The following SYNC variants were observed in gnomAD, a reference collection of about 807,000 sequenced individuals.
The protein encoded by SYNC is syncoilin, intermediate filament protein, also known as syncoilin.
A neutral mutation model predicts 49.5 loss-of-function variants in SYNC; 38 were observed. The observed-to-expected ratio is 0.77, with a 90% CI of 0.59 to 1.01. The LOEUF is 1.01. Ranked by LOEUF, SYNC falls within the 50% of genes least tolerant of loss-of-function variation. SYNC has a pLI of 0.00. For missense variants in SYNC, 579 were observed against 580.6 expected (o/e 1.00, Z 0.03); for synonymous variants, 201 against 230.8 (o/e 0.87, Z 1.17).
At chr1:32,683,857 T>C (rs1649616977) in intron 4 of SYNC, 153 bp downstream of exon 4, 1 of 683,832 alleles carries the variant, frequency 1.5e-6, no homozygotes, top group Non-Finnish European at 2.5e-6. Flanking sequence ...GGTCTTGAAC[T>C]CCTGACTCCA....
chr1:32,687,545 C>G (rs1649914574), intron 2 of SYNC, among the ~76,000 whole-genome samples: 4 of 151,446 alleles, frequency 2.6e-5, no homozygotes, highest in African/African-American at 9.7e-5. Flanking sequence ...GTGGCACACG[C>G]CTGTAGTCCC....
chr1:32,695,160 C>T lies in SYNC; in HGVS notation c.938G>A (p.Arg313Lys). Residue 313 changes from arginine to lysine, a missense_variant, in exon 2 of 5, where the codon AGG (arginine) becomes AAG (lysine). By Grantham distance (26) the Arg-to-Lys change is conservative. Coordinates refer to ENST00000409190, the MANE Select transcript of SYNC (RefSeq NM_030786.3). ...GCTTTCCTGGAGAAAGTGCCCATCCCTCTGGCTTGGAGGGGCTTCTAGTTG... is the reference window on the plus strand; with the variant it reads ...GCTTTCCTGGAGAAAGTGCCCATCCTTCTGGCTTGGAGGGGCTTCTAGTTG... The part of the protein sequence containing the change: ...RQQLEAPPSQ[R>K]DGHFLQESRR... The T allele has an allele frequency of 6.3e-7, 1 of 1,594,542 alleles. No individual in the cohort carries two copies. The highest frequency in any genetic ancestry group is 8.5e-7 in the Non-Finnish European group (1 of 1,170,378).
chr1:32,702,505 C>G lies in SYNC; in HGVS notation c.53+103G>C, dbSNP rs1650705332. ...GTGCCCCACCCCGGCTGGACCACTACCCCTAGACAGGCGAAAGACGCCCGC... is the reference window on the plus strand; with the variant it reads ...GTGCCCCACCCCGGCTGGACCACTAGCCCTAGACAGGCGAAAGACGCCCGC... On this transcript the variant is annotated intron_variant, in intron 1 of 4. Coordinates refer to ENST00000409190, the MANE Select transcript of SYNC (RefSeq NM_030786.3). This position sits in a 1 kb window ranked among gnomAD's most constrained non-coding sequence, Gnocchi z 6.2. The G allele has an allele frequency of 9.0e-7, 1 of 1,110,744 alleles. No homozygotes were observed. The highest frequency in any genetic ancestry group is 3.7e-5 in the East Asian group (1 of 26,964). The allele number at this position is 1,110,744 out of a possible 1,614,324, so 68.8% of individuals were successfully genotyped here. A position where few individuals can be genotyped will look rare whatever the true frequency, so the allele number is the denominator to read the frequency against.
intron 2 of SYNC, chr1:32,684,698 TA>T: frequency 3.8e-6 from 1 of 259,890 alleles, no homozygotes; most frequent in East Asian, 8.6e-5. Flanking sequence ...TTGGTCTAGT[TA>T]GTGGGCTGAG....
chr1:32,698,388 G>A lies in SYNC; in HGVS notation c.54-2344C>T, dbSNP rs188043465. 3.3e-3 allele frequency among the ~76,000 whole-genome samples: 497 copies of A among 151,836 alleles called. 3 individuals carry two copies. The highest frequency in any genetic ancestry group is 0.011 in the African/African-American group (461 of 41,382). ...AAAAAAATTAGCCAGGCGTGGTGGC[G>A]GGCACCTGTAGTCCCAGCTACTCGG... is the stretch of plus-strand genomic sequence containing the variant. On this transcript the variant is annotated intron_variant, in intron 1 of 4. Coordinates refer to ENST00000409190, the MANE Select transcript of SYNC (RefSeq NM_030786.3).
At chr1:32,687,361 CAAAAAAAAAAAAAAACCA>C (rs1490422893) in intron 2 of SYNC, among the ~76,000 whole-genome samples, 2 of 123,594 alleles carry the variant, frequency 1.6e-5, no homozygotes, top group African/African-American at 6.3e-5. Context: ...GACTTCATCT[CAAAAAAAAAAAAAAACCA>C]TAAAAGTGTT....
chr1:32,681,871 G>A lies in SYNC; in HGVS notation c.1439-11C>T, dbSNP rs1435367520. On this transcript the variant is annotated splice_polypyrimidine_tract_variant and intron_variant, in intron 4 of 4. Coordinates refer to ENST00000409190, the MANE Select transcript of SYNC (RefSeq NM_030786.3). ...ATTTCTAAACAGCCCCTGTAAAGTT[G>A]AAAGAAAAAGTTTATAACAGTGAAC... 2.5e-6 allele frequency: 4 copies of A among 1,613,680 alleles called. No homozygotes were observed. In the Admixed American group the frequency reaches 6.7e-5, roughly 27 times the overall value.
Position 32,681,405 on chromosome 1 carries a change from A to G in SYNC, c.*445T>C, listed in dbSNP as rs1379043196. ...ACACTCGTGGCACAAAAGAATGGAA[A>G]TTGTAAACCCATGTAATGGAAATTG... On this transcript the variant is annotated 3_prime_UTR_variant, in exon 5 of 5. Transcript: ENST00000409190. The G allele has an allele frequency of 6.0e-6, 1 of 165,816 alleles. No homozygotes were observed. The highest frequency in any genetic ancestry group is 2.4e-5 in the African/African-American group (1 of 41,958). 10.3% of individuals were successfully genotyped at this position (165,816 alleles called of 1,614,324 possible).
At chr1:32,696,855 T>C (rs1650455340) in intron 1 of SYNC, among the ~76,000 whole-genome samples, 1 of 150,024 alleles carries the variant, frequency 6.7e-6, no homozygotes, top group Non-Finnish European at 1.5e-5. Flanking sequence ...AGTGGTGCCA[T>C]TTCAGCCTCC....
intron 2 of SYNC, chr1:32,686,132 G>A (rs761059465): frequency 4.6e-5 from 7 of 152,188 alleles, no homozygotes; most frequent in Non-Finnish European, 1.0e-4. Context: ...CACACAAAAT[G>A]TAAAATATGT....
At position 32,701,392 on chromosome 1, in the gene SYNC, T is replaced by G. The variant is rs1308743516; in HGVS notation, c.53+1216A>C. Among the ~76,000 whole-genome samples, 3 of 152,322 alleles carry G rather than the reference T, an allele frequency of 2.0e-5. No homozygotes were observed. The East Asian group carries it at 5.8e-4, about 29-fold the overall frequency. ...ACAGAAGTACATGTGTCTGTCTCCC[T>G]GATAGTGAGTTTCCTAAGGACAAGC... is the stretch of plus-strand genomic sequence containing the variant. On this transcript the variant is annotated intron_variant, in intron 1 of 4. Transcript: ENST00000409190.
At chr1:32,686,602 G>A (rs934837119) in intron 2 of SYNC, among the ~76,000 whole-genome samples, 20 of 152,140 alleles carry the variant, frequency 1.3e-4, no homozygotes, top group African/African-American at 4.3e-4. Context: ...TAAGGATATC[G>A]GGAAACTTCA....
At chr1:32,696,833 A>C (rs1427620019) in intron 1 of SYNC, among the ~76,000 whole-genome samples, 3 of 151,060 alleles carry the variant, frequency 2.0e-5, no homozygotes, top group Admixed American at 2.0e-4. Flanking sequence ...TCTGTCACCC[A>C]GGCTGGAGTG....
Position 32,681,193 on chromosome 1 carries a change from G to T in SYNC, c.*657C>A, listed in dbSNP as rs1328697046. 2 of 152,514 alleles carry T rather than the reference G, an allele frequency of 1.3e-5. 1 individual carries two copies. The highest frequency in any genetic ancestry group is 4.1e-4 in the South Asian group (2 of 4,832). 9.4% of individuals were successfully genotyped at this position (152,514 alleles called of 1,614,324 possible). ...TCTGACCCAGAACTACTTTCATGAG[G>T]TAAGATCTTTGGGAAAATCTGAATA... On this transcript the variant is annotated 3_prime_UTR_variant, in exon 5 of 5. Coordinates refer to ENST00000409190, the MANE Select transcript of SYNC (RefSeq NM_030786.3).
chr1:32,695,194 G>T lies in SYNC; in HGVS notation c.904C>A (p.Leu302Met), dbSNP rs892417276. 2.6e-6 allele frequency: 4 copies of T among 1,561,926 alleles called. No individual in the cohort carries two copies. Among genetic ancestry groups the T allele is most frequent in the Non-Finnish European group, 3.5e-6 (4 of 1,152,750 alleles). ...RDAYQKQKEQ[L>M]RQQLEAPPSQ... is the part of the protein sequence containing the mutation. The stretch of plus-strand genomic sequence containing the variant: ...GGAGGGGCTTCTAGTTGTTGCCGCA[G>T]CTGCTCCTTCTGCTTCTGATAGGCA... The change falls in exon 2 of 5, where the codon CTG becomes ATG. Residue 302 changes from leucine to methionine, a missense_variant. Leu to Met is a conservative substitution (Grantham distance 15). Coordinates refer to ENST00000409190, the MANE Select transcript of SYNC (RefSeq NM_030786.3).
chr1:32,684,693 CT>C (rs1171710106), intron 2 of SYNC: 1 of 276,702 alleles, frequency 3.6e-6, no homozygotes, highest in Non-Finnish European at 7.0e-6. Context: ...GGATTTTGGT[CT>C]AGTTAGTGGG....
chr1:32,696,567 C>A (rs1028000293), intron 1 of SYNC, among the ~76,000 whole-genome samples: 4 of 151,932 alleles, frequency 2.6e-5, no homozygotes, highest in African/African-American at 7.3e-5. Flanking sequence ...CCTGCCTCAG[C>A]CTCCTGAGCA....
intron 2 of SYNC, chr1:32,684,748 A>G (rs1570895775): frequency 5.9e-6 from 1 of 170,178 alleles, no homozygotes; most frequent in East Asian, 1.6e-4. Context: ...GTTTGTTAAG[A>G]TAATTGGTAG....
chr1:32,698,783 CTTT>C (rs113450268), intron 1 of SYNC, among the ~76,000 whole-genome samples: 6 of 140,406 alleles, frequency 4.3e-5, no homozygotes, highest in Admixed American at 7.2e-5. Flanking sequence ...TTGTTTTTGT[CTTT>C]TTTTTTTTTT....
Sources: gnomAD v4.1 joint callset for allele counts (sites outside exome capture counted in the v4.1 genomes callset) on GRCh38, gnomAD v4.1.1 for gene constraint, Gnocchi (gnomAD v3.1) non-coding constraint, MANE v1.5 for transcripts, NCBI Gene and HGNC (gene_info 2026-07-23, HGNC 2026-07-21) for gene names.